Variants in INPP5A observed in about 807,000 individuals in gnomAD.
INPP5A encodes inositol polyphosphate-5-phosphatase A, also known as 43 kDa inositol polyphosphate 5-phophatase.
INPP5A carries 14 observed loss-of-function variants against 65.2 expected under a neutral mutation model. That is an observed-to-expected ratio of 0.21 (90% CI 0.14 to 0.34). The LOEUF (loss-of-function observed/expected upper bound fraction) is 0.34, where lower values mean the gene tolerates loss of function less well. Among genes scored for constraint, INPP5A ranks in the 10% least tolerant of loss-of-function variants. The pLI, the probability that INPP5A is intolerant of heterozygous loss-of-function variation, is 1.00. For synonymous variants in INPP5A, 207 were observed against 208.3 expected (o/e 0.99, Z 0.05); for missense variants, 431 against 545.6 (o/e 0.79, Z 2.09).
At chr10:132,588,012 C>CAAAAAAAAAAAAA (rs796469034) in intron 1 of INPP5A, among the ~76,000 whole-genome samples, 2 of 55,910 alleles carry the variant, frequency 3.6e-5, no homozygotes, top group Non-Finnish European at 6.5e-5. Context: ...AACTCCATCT[C>CAAAAAAAAAAAAA]AAAAAAAAAA....
chr10:132,755,110 TGA>T (rs1216343253), intron 11 of INPP5A, among the ~76,000 whole-genome samples: 1 of 151,838 alleles, frequency 6.6e-6, no homozygotes, highest in Non-Finnish European at 1.5e-5. Flanking sequence ...GGCAAGTGTG[TGA>T]GCTGGCGTGT....
rs1456058870 is a variant in INPP5A at position 132,663,990 on chromosome 10, G to A, written c.306+13485G>A. 7.2e-5 allele frequency among the ~76,000 whole-genome samples: 11 copies of A among 152,356 alleles called. No individual in the cohort carries two copies. Among genetic ancestry groups the A allele is most frequent in the East Asian group, 1.9e-4 (1 of 5,188 alleles). On this transcript the variant is annotated intron_variant, in intron 4 of 15. Coordinates refer to ENST00000368594, the MANE Select transcript of INPP5A (RefSeq NM_005539.5). The surrounding 1 kb of genome is among the most constrained non-coding windows in gnomAD (Gnocchi z 4.5). ...ACGCAGCCCAGGAAACAAACACGCC[G>A]CGCGAAAGGTATTGGTGAACGAACT...
At position 132,704,015 on chromosome 10, in the gene INPP5A, C is replaced by CCACACACGCGTGGCTTCACCCCCA. The variant is rs1182755273; in HGVS notation, c.475-4288_475-4265dup. ...CACACACACGCACGGCTTCACCCCC[C>CCACACACGCGTGGCTTCACCCCCA]CACACACGCGTGGCTTCACCCCCAC... On this transcript the variant is annotated intron_variant, in intron 6 of 15. Coordinates refer to ENST00000368594, the MANE Select transcript of INPP5A (RefSeq NM_005539.5). This position sits in a 1 kb window ranked among gnomAD's most constrained non-coding sequence, Gnocchi z 4.5. 7.3e-6 allele frequency among the ~76,000 whole-genome samples: 1 copy of CCACACACGCGTGGCTTCACCCCCA among 137,372 alleles called. No homozygotes were observed. The highest frequency in any genetic ancestry group is 2.7e-5 in the African/African-American group (1 of 36,716). The allele number at this position is 137,372 out of a possible 152,430, so 90.1% of individuals were successfully genotyped here.
intron 4 of INPP5A, among the ~76,000 whole-genome samples, chr10:132,672,180 A>G (rs892812921): frequency 6.6e-6 from 1 of 152,224 alleles, no homozygotes; most frequent in African/African-American, 2.4e-5. Context: ...TACTAAGAAA[A>G]TATCTTCATT....
chr10:132,758,676 C>G (rs1037461516), intron 11 of INPP5A, among the ~76,000 whole-genome samples: 1 of 152,104 alleles, frequency 6.6e-6, no homozygotes, highest in Non-Finnish European at 1.5e-5. Flanking sequence ...GACCCCAGCT[C>G]GGCTGTTTTC....
At chr10:132,557,927 T>C (rs2071148074) in intron 1 of INPP5A, among the ~76,000 whole-genome samples, 1 of 152,214 alleles carries the variant, frequency 6.6e-6, no homozygotes, top group Non-Finnish European at 1.5e-5. Context: ...TCCCTCAGTC[T>C]GTCCCGCGTG....
chr10:132,696,064 A>G (rs188389062), intron 5 of INPP5A, among the ~76,000 whole-genome samples: 2 of 152,300 alleles, frequency 1.3e-5, no homozygotes, highest in Non-Finnish European at 2.9e-5. Context: ...TGCCCCTTCC[A>G]TGCATGAGGA....
chr10:132,653,853 A>C (rs2072613780), intron 4 of INPP5A, among the ~76,000 whole-genome samples: 1 of 152,184 alleles, frequency 6.6e-6, no homozygotes, highest in Non-Finnish European at 1.5e-5. Flanking sequence ...GTCAAAGGAA[A>C]GGTGCCTCTC....
chr10:132,597,265 C>T (rs1040662593), intron 1 of INPP5A, among the ~76,000 whole-genome samples: 5 of 152,234 alleles, frequency 3.3e-5, no homozygotes, highest in African/African-American at 1.2e-4. Flanking sequence ...CTGTTCTTCT[C>T]AGTGTTTGTG....
intron 5 of INPP5A, among the ~76,000 whole-genome samples, chr10:132,691,580 C>G (rs558145636): frequency 6.6e-6 from 1 of 152,366 alleles, no homozygotes; most frequent in East Asian, 1.9e-4. Context: ...TGTTTTACTA[C>G]TAAGTTAAAT....
chr10:132,777,598 G>A (rs1339405081), intron 12 of INPP5A, 73 bp from the exon 13 acceptor site: 20 of 1,355,382 alleles, frequency 1.5e-5, no homozygotes, highest in Non-Finnish European at 1.9e-5. Flanking sequence ...GGAGAGAATC[G>A]GCACAGCCGT....
In INPP5A at chr10:132,715,725, C is replaced by T. The variant is rs563756430; in HGVS notation, c.647+5269C>T. On this transcript the variant is annotated intron_variant, in intron 8 of 15. Coordinates refer to ENST00000368594, the MANE Select transcript of INPP5A (RefSeq NM_005539.5). The stretch of plus-strand genomic sequence containing the variant: ...CATTAAAGATCTGGGTCACCCTGAG[C>T]GCTCCTGGCCACAGGGCTGGTTCTC... Among the ~76,000 whole-genome samples, 10 of 152,382 alleles carry T rather than the reference C, an allele frequency of 6.6e-5. No individual in the cohort carries two copies. In the East Asian group the frequency reaches 1.3e-3, roughly 21 times the overall value.
chr10:132,632,173 C>T lies in INPP5A; in HGVS notation c.118-13695C>T, dbSNP rs542376597. Among the ~76,000 whole-genome samples the T allele has an allele frequency of 4.6e-5, 7 of 152,364 alleles. No homozygotes were observed. In the South Asian group the frequency reaches 1.4e-3, roughly 32 times the overall value. On this transcript the variant is annotated intron_variant, in intron 2 of 15. Coordinates refer to ENST00000368594, the MANE Select transcript of INPP5A (RefSeq NM_005539.5). ...GTCCGACACTGTGGCGTGGCCTTTC[C>T]TGTCCATCCTCTGCGGTCCAGCAAT...
intron 3 of INPP5A, among the ~76,000 whole-genome samples, chr10:132,649,405 C>G (rs2072542551): frequency 6.6e-6 from 1 of 152,192 alleles, no homozygotes; most frequent in Non-Finnish European, 1.5e-5. Flanking sequence ...CGTGGTGTTG[C>G]TGCTTCTCAT....
intron 2 of INPP5A, among the ~76,000 whole-genome samples, chr10:132,610,136 G>A (rs1590865778): frequency 6.6e-6 from 1 of 152,268 alleles, no homozygotes; most frequent in East Asian, 1.9e-4. Flanking sequence ...ACAAACCCTG[G>A]GCTTCCTCAC....
rs2072953318 is a variant in INPP5A, at chr10:132,675,628, C to T, written c.307-14764C>T. Among the ~76,000 whole-genome samples, 1 of 152,182 alleles carries T rather than the reference C, an allele frequency of 6.6e-6. No individual in the cohort carries two copies. On this transcript the variant is annotated intron_variant, in intron 4 of 15. Transcript: ENST00000368594. The surrounding 1 kb of genome is among the most constrained non-coding windows in gnomAD (Gnocchi z 4.2). The stretch of plus-strand genomic sequence containing the variant: ...GGACATTCCCACGGGGATATTCCCA[C>T]GCGGAGAACTGGGACCCCGATCAGG...
In INPP5A at chr10:132,706,982, C is replaced by A. The variant is rs139146947; in HGVS notation, c.475-1331C>A. On this transcript the variant is annotated intron_variant, in intron 6 of 15. Transcript: ENST00000368594. This position sits in a 1 kb window ranked among gnomAD's most constrained non-coding sequence, Gnocchi z 4.7. ...TTGGGCAGCTGTTGTCTGGCACGTG[C>A]GCATACTGGAGGAGCCAAAGGGGAC... Among the ~76,000 whole-genome samples, 1 of 152,132 alleles carries A rather than the reference C, an allele frequency of 6.6e-6. No individual in the cohort carries two copies. Among genetic ancestry groups the A allele is most frequent in the Admixed American group, 6.5e-5 (1 of 15,276 alleles).
Position 132,689,098 on chromosome 10 carries a change from C to G in INPP5A, c.307-1294C>G, listed in dbSNP as rs116241952. 4.9e-3 allele frequency among the ~76,000 whole-genome samples: 747 copies of G among 152,302 alleles called. 3 individuals are homozygous for G. Among genetic ancestry groups the G allele is most frequent in the African/African-American group, 0.017 (699 of 41,558 alleles). ...AATGTGCAAGAGTGTACAAGTGAAGCCTTGGAATGAGGTGATACTCAGGCG... is the reference window on the plus strand; with the variant it reads ...AATGTGCAAGAGTGTACAAGTGAAGGCTTGGAATGAGGTGATACTCAGGCG... On this transcript the variant is annotated intron_variant, in intron 4 of 15. Coordinates refer to ENST00000368594, the MANE Select transcript of INPP5A (RefSeq NM_005539.5).
intron 4 of INPP5A, among the ~76,000 whole-genome samples, chr10:132,656,038 C>T (rs2072653143): frequency 6.6e-6 from 1 of 152,268 alleles, no homozygotes; most frequent in Non-Finnish European, 1.5e-5. Context: ...CCAGCACTGA[C>T]CGTGGCCTCT....
Sources: allele counts gnomAD v4.1 joint callset (sites outside exome capture counted in the v4.1 genomes callset), GRCh38; gene constraint gnomAD v4.1.1; non-coding constraint Gnocchi (gnomAD v3.1); transcripts MANE v1.5; gene names NCBI Gene and HGNC (gene_info 2026-07-23, HGNC 2026-07-21).